The following KPNA3 variants were observed in gnomAD, a reference collection of about 807,000 sequenced individuals.
KPNA3 encodes the protein karyopherin subunit alpha 3, also known as importin subunit alpha-4.
Under a neutral mutation model 73.8 loss-of-function variants are expected in KPNA3, and 13 were observed. That is an observed-to-expected ratio of 0.18 (90% CI 0.11 to 0.28). The LOEUF is 0.28. Among genes scored for constraint, KPNA3 ranks in the 10% least tolerant of loss-of-function variants. The pLI is 1.00. For synonymous variants in KPNA3, 186 were observed against 206.9 expected, an observed-to-expected ratio of 0.90 and a Z score of 0.87; for missense variants, 360 against 618.1, an observed-to-expected ratio of 0.58 and a Z score of 4.43.
intron 1 of KPNA3, among the ~76,000 whole-genome samples, chr13:49,760,686 C>T (rs1594453923): frequency 6.6e-6 from 1 of 152,146 alleles, no homozygotes; most frequent in East Asian, 1.9e-4. Context: ...CTGAGCTCGT[C>T]CCTCTTCTGC....
At chr13:49,779,793 C>A (rs1594463069) in intron 1 of KPNA3, among the ~76,000 whole-genome samples, 1 of 152,184 alleles carries the variant, frequency 6.6e-6, no homozygotes, top group Non-Finnish European at 1.5e-5. Flanking sequence ...TCATCATGAT[C>A]TAGCTTCCAG....
intron 3 of KPNA3, 81 bp from the exon 4 acceptor site, chr13:49,732,857 C>T: frequency 7.7e-7 from 1 of 1,305,308 alleles, no homozygotes; most frequent in South Asian, 1.3e-5. Context: ...AGTTAATATA[C>T]TTTCATTATC....
intron 1 of KPNA3, among the ~76,000 whole-genome samples, chr13:49,778,048 A>G (rs1012320128): frequency 1.3e-5 from 2 of 152,180 alleles, no homozygotes; most frequent in South Asian, 4.1e-4. Context: ...AAACTACCAT[A>G]TGTCTTACCT....
chr13:49,723,281 A>G (rs1199057224), intron 7 of KPNA3, among the ~76,000 whole-genome samples: 2 of 152,210 alleles, frequency 1.3e-5, no homozygotes, highest in Non-Finnish European at 2.9e-5. Flanking sequence ...GGACCTCAAA[A>G]GAAATCTTGG....
intron 6 of KPNA3, among the ~76,000 whole-genome samples, chr13:49,727,698 T>C (rs754452109): frequency 4.6e-5 from 7 of 152,106 alleles, no homozygotes; most frequent in Non-Finnish European, 1.0e-4. Flanking sequence ...TCATACTAAC[T>C]TTCTATACAC....
chr13:49,759,012 G>A (rs773617597), intron 1 of KPNA3, among the ~76,000 whole-genome samples: 3 of 152,104 alleles, frequency 2.0e-5, no homozygotes, highest in South Asian at 2.1e-4. Context: ...AGATATTTAC[G>A]AGACTAGAGT....
intron 2 of KPNA3, among the ~76,000 whole-genome samples, chr13:49,741,864 G>A (rs940895013): frequency 6.6e-6 from 1 of 152,090 alleles, no homozygotes; most frequent in African/African-American, 2.4e-5. Context: ...TTTATTAATA[G>A]TCTCTTTTGC....
intron 10 of KPNA3, among the ~76,000 whole-genome samples, chr13:49,712,243 A>C (rs1285396439): frequency 6.6e-6 from 1 of 152,258 alleles, no homozygotes; most frequent in Non-Finnish European, 1.5e-5. Context: ...AAGATCCAGG[A>C]AATTCTCAAA....
intron 1 of KPNA3, among the ~76,000 whole-genome samples, chr13:49,772,661 G>T (rs563702871): frequency 6.6e-6 from 1 of 152,184 alleles, no homozygotes; most frequent in African/African-American, 2.4e-5. Context: ...AAATTAGCAG[G>T]GCATGGTGGC....
chr13:49,781,098 A>G (rs1954937362), intron 1 of KPNA3, among the ~76,000 whole-genome samples: 1 of 152,022 alleles, frequency 6.6e-6, no homozygotes, highest in African/African-American at 2.4e-5. Context: ...ATTTACCATA[A>G]ATACCTACAC....
chr13:49,726,365 G>A (rs537013812), intron 6 of KPNA3, among the ~76,000 whole-genome samples: 1 of 152,182 alleles, frequency 6.6e-6, no homozygotes, highest in Non-Finnish European at 1.5e-5. Flanking sequence ...GCTTTTCAAA[G>A]ATGGATTTAA....
intron 10 of KPNA3, among the ~76,000 whole-genome samples, chr13:49,715,268 C>G (rs533166804): frequency 2.8e-4 from 43 of 152,098 alleles, no homozygotes; most frequent in African/African-American, 1.0e-3. Flanking sequence ...TTAAGTATGG[C>G]AGAACTAATA....
In KPNA3 at chr13:49,705,739, A is replaced by T. The variant is rs758682416; in HGVS notation, c.1254T>A (p.Asn418Lys). 1 of 1,614,024 alleles carries T rather than the reference A, an allele frequency of 6.2e-7. No homozygotes were observed. The highest frequency in any genetic ancestry group is 1.1e-5 in the South Asian group (1 of 91,074). Residue 418 changes from asparagine (N) to lysine (K), a missense_variant, in exon 15 of 17, where the codon AAT becomes AAA. Coordinates refer to ENST00000261667, the MANE Select transcript of KPNA3 (RefSeq NM_002267.4). ...VQQNVIPPFC[N>K]LLSVKDSQVV... ...CTTGAGAATCTTTCACTGACAGTAA[A>T]TTACAGAACGGTGGTATTACATTCT... is the stretch of plus-strand genomic sequence containing the variant.
chr13:49,769,501 T>C lies in KPNA3; in HGVS notation c.70-22508A>G, dbSNP rs117529913. 2.1e-3 allele frequency among the ~76,000 whole-genome samples: 325 copies of C among 152,372 alleles called. 1 individual carries two copies. Among genetic ancestry groups the C allele is most frequent in the Middle Eastern group, 0.02 (6 of 294 alleles). On this transcript the variant is annotated intron_variant, in intron 1 of 16. Coordinates refer to ENST00000261667, the MANE Select transcript of KPNA3 (RefSeq NM_002267.4). ...TACTTTCTGTATCAATGGATTTGAT[T>C]GCCTGGACATTTCATACAAATGGAA...
intron 1 of KPNA3, among the ~76,000 whole-genome samples, chr13:49,790,635 G>C (rs752767167): frequency 6.6e-6 from 1 of 152,162 alleles, no homozygotes; most frequent in African/African-American, 2.4e-5. Context: ...GAAATGTAAT[G>C]TTGTGACCAA....
At chr13:49,768,567 A>ATTTT (rs67753113) in intron 1 of KPNA3, among the ~76,000 whole-genome samples, 2 of 64,894 alleles carry the variant, frequency 3.1e-5, no homozygotes, top group Non-Finnish European at 5.7e-5. Flanking sequence ...GGGTTAATCA[A>ATTTT]TTTTTTTTTT....
chr13:49,747,579 T>A (rs1954629478), intron 1 of KPNA3, among the ~76,000 whole-genome samples: 1 of 152,156 alleles, frequency 6.6e-6, no homozygotes, highest in African/African-American at 2.4e-5. Context: ...CAGCTACTCC[T>A]GGAGGCTGAC....
At chr13:49,711,997 G>A (rs1238607470) in intron 10 of KPNA3, among the ~76,000 whole-genome samples, 1 of 152,158 alleles carries the variant, frequency 6.6e-6, no homozygotes, top group Non-Finnish European at 1.5e-5. Context: ...CCTCAAGACT[G>A]TGTAAAAGAG....
At chr13:49,726,272 T>C (rs945708114) in intron 6 of KPNA3, among the ~76,000 whole-genome samples, 1 of 152,226 alleles carries the variant, frequency 6.6e-6, no homozygotes, top group Admixed American at 6.5e-5. Context: ...ATTACAAGGC[T>C]GTATAATTTT....
Sources: gnomAD v4.1 joint callset for allele counts (sites outside exome capture counted in the v4.1 genomes callset) on GRCh38, gnomAD v4.1.1 for gene constraint, MANE v1.5 for transcripts, NCBI Gene and HGNC (gene_info 2026-07-23, HGNC 2026-07-21) for gene names.